The following ASXL2 variants were observed in gnomAD, a reference collection of about 807,000 sequenced individuals.
ASXL2 encodes ASXL transcriptional regulator 2, also known as putative Polycomb group protein ASXL2.
A neutral mutation model predicts 122.0 loss-of-function variants in ASXL2; 23 were observed. The observed-to-expected ratio is 0.19, with a 90% CI of 0.14 to 0.27. The LOEUF is 0.27. Ranked by LOEUF, ASXL2 falls within the 10% of genes least tolerant of loss-of-function variation. The pLI is 1.00. For synonymous variants in ASXL2, 650 were observed against 637.0 expected (o/e 1.02, Z -0.31); for missense variants, 1,518 against 1,713.8 (o/e 0.89, Z 2.02).
chr2:25,860,339 AATATAT>A, intron 1 of ASXL2, among the ~76,000 whole-genome samples: 1 of 151,612 alleles, frequency 6.6e-6, no homozygotes, highest in South Asian at 2.1e-4. Context: ...GAAACAAAAA[AATATAT>A]ATATAACATC....
intron 6 of ASXL2, among the ~76,000 whole-genome samples, chr2:25,771,089 A>G (rs2088443376): frequency 6.6e-6 from 1 of 152,026 alleles, no homozygotes; most frequent in Non-Finnish European, 1.5e-5. Context: ...TACAAAAATT[A>G]GCTGGGCGTG....
chr2:25,841,130 C>CA (rs1303505780), intron 2 of ASXL2, among the ~76,000 whole-genome samples: 1 of 152,072 alleles, frequency 6.6e-6, no homozygotes, highest in African/African-American at 2.4e-5. Flanking sequence ...CTTGCCTCTA[C>CA]AAAAAATACG....
chr2:25,832,510 T>C (rs1013138381), intron 3 of ASXL2, among the ~76,000 whole-genome samples: 1 of 151,988 alleles, frequency 6.6e-6, no homozygotes, highest in East Asian at 1.9e-4. Flanking sequence ...CTATCAACAA[T>C]TACTTTAAAT....
intron 1 of ASXL2, among the ~76,000 whole-genome samples, chr2:25,869,904 T>G (rs1401708619): frequency 7.6e-6 from 1 of 131,302 alleles, no homozygotes; most frequent in Admixed American, 7.7e-5. Context: ...CCAGTAACAA[T>G]GAAATACTAA....
In ASXL2 at chr2:25,742,266, G is replaced by A. The variant is rs1286683333; in HGVS notation, c.4071C>T (p.Val1357=). The change falls in exon 13 of 13, where the codon GTC becomes GTT. Residue 1357 remains valine, a synonymous_variant. Coordinates refer to ENST00000435504, the MANE Select transcript of ASXL2 (RefSeq NM_018263.6). The part of the protein sequence containing the change: ...GSQVSSNVGD[V]MSFSVTVTTI... Reference sequence around the variant, plus strand: ...TAGTGACAGTCACTGAAAATGACATGACATCACCTACATTGCTAGATACCT... The same window carrying A: ...TAGTGACAGTCACTGAAAATGACATAACATCACCTACATTGCTAGATACCT... 6.2e-7 allele frequency: 1 copy of A among 1,613,946 alleles called. No homozygotes were observed. Among genetic ancestry groups the A allele is most frequent in the Non-Finnish European group, 8.5e-7 (1 of 1,179,900 alleles).
At chr2:25,771,046 G>A (rs2088442127) in intron 6 of ASXL2, among the ~76,000 whole-genome samples, 1 of 151,696 alleles carries the variant, frequency 6.6e-6, no homozygotes, top group Admixed American at 6.6e-5. Flanking sequence ...GACCATCCTG[G>A]CCAACATGGT....
In ASXL2 at chr2:25,799,017, G is replaced by A. The variant is rs142618023; in HGVS notation, c.403+368C>T. ...AATATAGCACTCTGGTGGAGAATGT[G>A]GCTAGTGGGGAAGGCTGTGCATGTG... On this transcript the variant is annotated intron_variant, in intron 5 of 12. Transcript: ENST00000435504. 3.0e-4 allele frequency among the ~76,000 whole-genome samples: 46 copies of A among 152,278 alleles called. No individual in the cohort carries two copies. In the East Asian group the frequency reaches 8.7e-3, roughly 29 times the overall value.
chr2:25,812,550 G>A (rs569499077), intron 3 of ASXL2, among the ~76,000 whole-genome samples: 1 of 152,292 alleles, frequency 6.6e-6, no homozygotes, highest in Non-Finnish European at 1.5e-5. Context: ...AGACTGTTGA[G>A]AGGACAGAAA....
Position 25,838,261 on chromosome 2 carries a change from T to C in ASXL2, c.141-2721A>G, listed in dbSNP as rs1046903348. On this transcript the variant is annotated intron_variant, in intron 2 of 12. Transcript: ENST00000435504. The stretch of plus-strand genomic sequence containing the variant: ...TCAGCTAAGCTCTTTTAGTACCTAG[T>C]AGGCAGTTTCCTGTGGCCACCTCAG... Among the ~76,000 whole-genome samples, 18 of 152,322 alleles carry C rather than the reference T, an allele frequency of 1.2e-4. 1 individual carries two copies. The highest frequency in any genetic ancestry group is 9.2e-4 in the Admixed American group (14 of 15,300).
intron 8 of ASXL2, among the ~76,000 whole-genome samples, chr2:25,762,665 G>GAAAAAAAA (rs60065368): frequency 6.0e-3 from 204 of 34,202 alleles, no homozygotes; most frequent in Non-Finnish European, 7.1e-3. Flanking sequence ...ACTCTTTCTC[G>GAAAAAAAA]AAAAAAAAAA....
chr2:25,814,036 C>T (rs1435410214), intron 3 of ASXL2, among the ~76,000 whole-genome samples: 2 of 151,430 alleles, frequency 1.3e-5, no homozygotes, highest in Non-Finnish European at 1.5e-5. Flanking sequence ...GGCGACAGAG[C>T]GAGACTCCGT....
intron 12 of ASXL2, among the ~76,000 whole-genome samples, chr2:25,745,075 A>G (rs1156408455): frequency 6.6e-6 from 1 of 152,030 alleles, no homozygotes; most frequent in African/African-American, 2.4e-5. Flanking sequence ...GCCCATACAC[A>G]TAAAGGAGTA....
chr2:25,737,209 T>A lies in ASXL2; in HGVS notation c.*4820A>T, dbSNP rs552025244. 1.3e-5 allele frequency: 2 copies of A among 151,896 alleles called. No homozygotes were observed. The highest frequency in any genetic ancestry group is 2.1e-4 in the South Asian group (1 of 4,802). The allele number at this position is 151,896 out of a possible 1,614,324, so 9.4% of individuals were successfully genotyped here. A position where few individuals can be genotyped will look rare whatever the true frequency, so the allele number is the denominator to read the frequency against. On this transcript the variant is annotated 3_prime_UTR_variant, in exon 13 of 13. Coordinates refer to ENST00000435504, the MANE Select transcript of ASXL2 (RefSeq NM_018263.6). ...CTATGAAACTCACTTCTGAGAGAAC[T>A]GGGAAACGGAAAAAAAAAAATTTCT...
intron 1 of ASXL2, among the ~76,000 whole-genome samples, chr2:25,866,405 G>A (rs549335186): frequency 6.6e-6 from 1 of 152,268 alleles, no homozygotes; most frequent in East Asian, 1.9e-4. Flanking sequence ...TGGGATTACA[G>A]GCATGAGCCA....
chr2:25,807,586 A>G (rs2089101664), intron 3 of ASXL2, among the ~76,000 whole-genome samples: 1 of 150,774 alleles, frequency 6.6e-6, no homozygotes, highest in African/African-American at 2.5e-5. Flanking sequence ...AAATAAATAT[A>G]TAAAAATTGC....
In ASXL2 at chr2:25,817,135, C is replaced by A. The variant is rs574953519; in HGVS notation, c.144-10798G>T. On this transcript the variant is annotated intron_variant, in intron 3 of 12. Transcript: ENST00000435504. ...AGACTCTGTCTCAAAAAAAAAAATT[C>A]TTAAGCCCGCAAGAACTCAGGGAAA... Among the ~76,000 whole-genome samples, 10 of 152,058 alleles carry A rather than the reference C, an allele frequency of 6.6e-5. No individual in the cohort carries two copies. In the South Asian group the frequency reaches 1.0e-3, roughly 16 times the overall value.
At chr2:25,848,136 T>C (rs2089670581) in intron 1 of ASXL2, among the ~76,000 whole-genome samples, 1 of 152,208 alleles carries the variant, frequency 6.6e-6, no homozygotes, top group Admixed American at 6.5e-5. Flanking sequence ...GTCATTTCTC[T>C]GGCATATCAA....
chr2:25,758,764 TAAC>T (rs921987563), intron 9 of ASXL2, among the ~76,000 whole-genome samples: 4 of 152,116 alleles, frequency 2.6e-5, no homozygotes, highest in African/African-American at 9.6e-5. Flanking sequence ...TAGCAAAATG[TAAC>T]AAAAGAATGC....
At chr2:25,788,353 T>C (rs1405176068) in intron 5 of ASXL2, among the ~76,000 whole-genome samples, 2 of 152,258 alleles carry the variant, frequency 1.3e-5, no homozygotes, top group African/African-American at 4.8e-5. Flanking sequence ...CATCCACCAG[T>C]ACCCAAATTC....
Sources: allele counts gnomAD v4.1 joint callset (sites outside exome capture counted in the v4.1 genomes callset), GRCh38; gene constraint gnomAD v4.1.1; transcripts MANE v1.5; gene names NCBI Gene and HGNC (gene_info 2026-07-23, HGNC 2026-07-21).